The following CLDN4 variants were observed in gnomAD, a reference collection of about 807,000 sequenced individuals.
The protein encoded by CLDN4 is claudin-4.
CLDN4 carries 12 observed loss-of-function variants against 13.7 expected under a neutral mutation model. The ratio of observed to expected loss-of-function variants is 0.88; its 90% CI spans 0.56 to 1.42. The LOEUF is 1.42. CLDN4 is among the 40% of genes most tolerant of loss of function. CLDN4 has a pLI of 0.00. For missense variants in CLDN4, 252 were observed against 297.4 expected (o/e 0.85, Z 1.12); for synonymous variants, 152 against 140.6 (o/e 1.08, Z -0.57).
Position 73,832,198 on chromosome 7 carries a change from A to C in CLDN4, c.*367A>C. 4.2e-6 allele frequency: 1 copy of C among 240,960 alleles called. No homozygotes were observed. The highest frequency in any genetic ancestry group is 8.6e-6 in the Non-Finnish European group (1 of 115,846). The allele number at this position is 240,960 out of a possible 1,614,324, so 14.9% of individuals were successfully genotyped here. A position where few individuals can be genotyped will look rare whatever the true frequency, so the allele number is the denominator to read the frequency against. On this transcript the variant is annotated 3_prime_UTR_variant, in exon 1 of 1. Transcript: ENST00000340958. ...CACTGTCCCCATTTACATTTTCCCC[A>C]CTCTGTCTGCCTGCATCTCCTCTGT...
chr7:73,831,216 G>C lies in CLDN4; in HGVS notation c.15G>C (p.Gly5=), dbSNP rs781834258. 2 of 1,572,256 alleles carry C rather than the reference G, an allele frequency of 1.3e-6. No homozygotes were observed. Among genetic ancestry groups the C allele is most frequent in the Non-Finnish European group, 1.7e-6 (2 of 1,155,496 alleles). ...GACGCTGAACAATGGCCTCCATGGGGCTACAGGTAATGGGCATCGCGCTGG... is the reference window on the plus strand; with the variant it reads ...GACGCTGAACAATGGCCTCCATGGGCCTACAGGTAATGGGCATCGCGCTGG... MASM[G]LQVMGIALAV... The change falls in exon 1 of 1, where the codon GGG becomes GGC. Residue 5 remains glycine (G), a synonymous_variant. Transcript: ENST00000340958.
Position 73,831,477 on chromosome 7 carries a change from T to G in CLDN4, c.276T>G (p.Ala92=). Residue 92 remains alanine (A), a synonymous_variant, in exon 1 of 1, where the codon GCT becomes GCG. Transcript: ENST00000340958. ...ALVIISIIVA[A]LGVLLSVVGG... The stretch of plus-strand genomic sequence containing the variant: ...TCATCATCAGCATCATCGTGGCTGC[T>G]CTGGGCGTGCTGCTGTCCGTGGTGG... 2 of 1,614,178 alleles carry G rather than the reference T, an allele frequency of 1.2e-6. No individual in the cohort carries two copies. The highest frequency in any genetic ancestry group is 1.7e-6 in the Non-Finnish European group (2 of 1,180,030).
Position 73,832,021 on chromosome 7 carries a change from G to T in CLDN4, c.*190G>T, listed in dbSNP as rs1218553480. On this transcript the variant is annotated 3_prime_UTR_variant, in exon 1 of 1. Coordinates refer to ENST00000340958, the MANE Select transcript of CLDN4 (RefSeq NM_001305.5). ...TGGCCCACTCGGACAACTTCCCAAG[G>T]CCGCCTCCTGCTAGCAAGAACAGAG... is the stretch of plus-strand genomic sequence containing the variant. 3.1e-6 allele frequency: 2 copies of T among 646,152 alleles called. No individual in the cohort carries two copies. The highest frequency in any genetic ancestry group is 1.8e-5 in the African/African-American group (1 of 54,892). 40.0% of individuals were successfully genotyped at this position (646,152 alleles called of 1,614,324 possible).
rs782146307 is a variant in CLDN4 at position 73,831,513 on chromosome 7, T to C, written c.312T>C (p.Cys104=). ...TGCTGTCCGTGGTGGGGGGCAAGTG[T>C]ACCAACTGCCTGGAGGATGAAAGCG... ...GVLLSVVGGK[C]TNCLEDESAK... The change falls in exon 1 of 1, where the codon TGT becomes TGC. Residue 104 remains cysteine, a synonymous_variant. Coordinates refer to ENST00000340958, the MANE Select transcript of CLDN4 (RefSeq NM_001305.5). 6.2e-7 allele frequency: 1 copy of C among 1,614,082 alleles called. No individual in the cohort carries two copies. The highest frequency in any genetic ancestry group is 8.5e-7 in the Non-Finnish European group (1 of 1,180,038).
Position 73,832,252 on chromosome 7 carries a change from G to A in CLDN4, c.*421G>A, listed in dbSNP as rs1459124631. 1.0e-5 allele frequency: 2 copies of A among 191,314 alleles called. No individual in the cohort carries two copies. Among genetic ancestry groups the A allele is most frequent in the African/African-American group, 4.7e-5 (2 of 42,222 alleles). The allele number at this position is 191,314 out of a possible 1,614,324, so 11.9% of individuals were successfully genotyped here. ...GGGTAGGCCTTGATATCACCTCTGG[G>A]ACTGTGCCTTGCTCACCGAAACCCG... On this transcript the variant is annotated 3_prime_UTR_variant, in exon 1 of 1. Transcript: ENST00000340958.
Position 73,832,258 on chromosome 7 carries a change from GCCTTGCTCACCGAAACCC to G in CLDN4, c.*428_*445del, listed in dbSNP as rs1788050493. 5.4e-6 allele frequency: 1 copy of G among 184,222 alleles called. No homozygotes were observed. Among genetic ancestry groups the G allele is most frequent in the Non-Finnish European group, 1.3e-5 (1 of 79,648 alleles). The allele number at this position is 184,222 out of a possible 1,614,324, so 11.4% of individuals were successfully genotyped here. On this transcript the variant is annotated 3_prime_UTR_variant, in exon 1 of 1. Transcript: ENST00000340958. ...GCCTTGATATCACCTCTGGGACTGTGCCTTGCTCACCGAAACCCGCGCCCAGGAGTATGGCTGAGGCCT... is the reference window on the plus strand; with the variant it reads ...GCCTTGATATCACCTCTGGGACTGTGGCGCCCAGGAGTATGGCTGAGGCCT...
Position 73,832,489 on chromosome 7 carries a change from C to T in CLDN4, c.*658C>T, listed in dbSNP as rs1207827034. On this transcript the variant is annotated 3_prime_UTR_variant, in exon 1 of 1. Transcript: ENST00000340958. ...AGCCCAGGGCCCCTGGAGACTGATC[C>T]CCTCTGAGTCCTCTGCCCCTTCCAA... is the stretch of plus-strand genomic sequence containing the variant. The T allele has an allele frequency of 6.0e-6, 1 of 167,152 alleles. No individual in the cohort carries two copies. Among genetic ancestry groups the T allele is most frequent in the Non-Finnish European group, 1.5e-5 (1 of 68,240 alleles). 10.4% of individuals were successfully genotyped at this position (167,152 alleles called of 1,614,324 possible).
chr7:73,832,093 G>C lies in CLDN4; in HGVS notation c.*262G>C, dbSNP rs1483976542. On this transcript the variant is annotated 3_prime_UTR_variant, in exon 1 of 1. Transcript: ENST00000340958. ...GGGAGGGACGGAAGTGACAGGGTGT[G>C]GTGGTGGAGTGGGGAGCTGGCTTCT... is the stretch of plus-strand genomic sequence containing the variant. 2.1e-6 allele frequency: 1 copy of C among 467,610 alleles called. No individual in the cohort carries two copies. The highest frequency in any genetic ancestry group is 3.9e-6 in the Non-Finnish European group (1 of 259,198). The allele number at this position is 467,610 out of a possible 1,614,324, so 29.0% of individuals were successfully genotyped here.
Position 73,831,244 on chromosome 7 carries a change from G to A in CLDN4, c.43G>A (p.Val15Ile), listed in dbSNP as rs146345112. 407 of 1,599,828 alleles carry A rather than the reference G, an allele frequency of 2.5e-4. 2 individuals are homozygous for A. In the African/African-American group the frequency reaches 4.0e-3, roughly 16 times the overall value. ...ACAGGTAATGGGCATCGCGCTGGCC[G>A]TCCTGGGCTGGCTGGCCGTCATGCT... Reference protein sequence around the residue: ...GLQVMGIALAVLGWLAVMLCC... With the variant: ...GLQVMGIALAILGWLAVMLCC... Residue 15 changes from valine (V) to isoleucine (I), a missense_variant, in exon 1 of 1, where the codon GTC becomes ATC. Transcript: ENST00000340958.
rs550501576 is a variant in CLDN4 at position 73,831,390 on chromosome 7, G to A, written c.189G>A (p.Gln63=). Residue 63 remains glutamine (Q), a synonymous_variant, in exon 1 of 1, where the codon CAG becomes CAA. Coordinates refer to ENST00000340958, the MANE Select transcript of CLDN4 (RefSeq NM_001305.5). ...TGGTGCAGAGCACCGGCCAGATGCAGTGCAAGGTGTACGACTCGCTGCTGG... is the reference window on the plus strand; with the variant it reads ...TGGTGCAGAGCACCGGCCAGATGCAATGCAAGGTGTACGACTCGCTGCTGG... ...NCVVQSTGQM[Q]CKVYDSLLAL... is the part of the protein sequence containing the mutation. 1.2e-6 allele frequency: 2 copies of A among 1,614,116 alleles called. No individual in the cohort carries two copies. The highest frequency in any genetic ancestry group is 1.3e-5 in the African/African-American group (1 of 75,076).
In CLDN4 at chr7:73,831,618, G is replaced by T. The variant is rs202009827; in HGVS notation, c.417G>T (p.Thr139=). ...GLMVIVPVSW[T]AHNIIQDFYN... is the part of the protein sequence containing the mutation. ...TGGTGATAGTGCCGGTGTCCTGGAC[G>T]GCCCACAACATCATCCAAGACTTCT... Residue 139 remains threonine, a synonymous_variant, in exon 1 of 1, where the codon ACG becomes ACT. Transcript: ENST00000340958. 17 of 1,613,988 alleles carry T rather than the reference G, an allele frequency of 1.1e-5. No individual in the cohort carries two copies. Among genetic ancestry groups the T allele is most frequent in the Non-Finnish European group, 3.4e-6 (4 of 1,179,978 alleles).
chr7:73,831,421 C>T lies in CLDN4; in HGVS notation c.220C>T (p.Pro74Ser). Residue 74 changes from proline to serine, a missense_variant, in exon 1 of 1, where the codon CCG (proline) becomes TCG (serine). Coordinates refer to ENST00000340958, the MANE Select transcript of CLDN4 (RefSeq NM_001305.5). ...CKVYDSLLAL[P>S]QDLQAARALV... The stretch of plus-strand genomic sequence containing the variant: ...GGTGTACGACTCGCTGCTGGCACTG[C>T]CGCAGGACCTGCAGGCGGCCCGCGC... The T allele has an allele frequency of 1.2e-6, 2 of 1,614,156 alleles. No homozygotes were observed. Among genetic ancestry groups the T allele is most frequent in the South Asian group, 2.2e-5 (2 of 91,078 alleles).
At position 73,831,191 on chromosome 7, in the gene CLDN4, G is replaced by A; in HGVS notation, c.-11G>A. 6.5e-7 allele frequency: 1 copy of A among 1,542,134 alleles called. No individual in the cohort carries two copies. The highest frequency in any genetic ancestry group is 8.8e-7 in the Non-Finnish European group (1 of 1,142,824). On this transcript the variant is annotated 5_prime_UTR_variant, in exon 1 of 1. Transcript: ENST00000340958. Reference sequence around the variant, plus strand: ...GCCTTCCAGGTCCTCAACTCCCGTGGACGCTGAACAATGGCCTCCATGGGG... The same window carrying A: ...GCCTTCCAGGTCCTCAACTCCCGTGAACGCTGAACAATGGCCTCCATGGGG...
rs1554634140 is a variant in CLDN4, at chr7:73,831,584, C to T, written c.383C>T (p.Ala128Val). ...GTGGCGGGCGTGGTGTTCCTGTTGG[C>T]CGGCCTTATGGTGATAGTGCCGGTG... is the stretch of plus-strand genomic sequence containing the variant. ...MIVAGVVFLL[A>V]GLMVIVPVSW... is the part of the protein sequence containing the mutation. The change falls in exon 1 of 1, where the codon GCC (alanine) becomes GTC (valine). Residue 128 changes from alanine to valine, a missense_variant. Ala to Val is a moderately conservative substitution (Grantham distance 64). Coordinates refer to ENST00000340958, the MANE Select transcript of CLDN4 (RefSeq NM_001305.5). 6.2e-7 allele frequency: 1 copy of T among 1,614,104 alleles called. No individual in the cohort carries two copies.
rs1210086793 is a variant in CLDN4 at position 73,831,810 on chromosome 7, T to G, written c.609T>G (p.Ala203=). ...CCAAGTATTCTGCTGCCCGCTCTGC[T>G]GCTGCCAGCAACTACGTGTAAGGTG... is the stretch of plus-strand genomic sequence containing the variant. The part of the protein sequence containing the change: ...YSAKYSAARS[A]AASNYV The change falls in exon 1 of 1, where the codon GCT becomes GCG. Residue 203 remains alanine, a synonymous_variant. Transcript: ENST00000340958. The G allele has an allele frequency of 6.4e-7, 1 of 1,571,780 alleles. No individual in the cohort carries two copies. The highest frequency in any genetic ancestry group is 1.3e-5 in the African/African-American group (1 of 74,228).
At position 73,831,243 on chromosome 7, in the gene CLDN4, C is replaced by T. The variant is rs782587695; in HGVS notation, c.42C>T (p.Ala14=). ...TACAGGTAATGGGCATCGCGCTGGC[C>T]GTCCTGGGCTGGCTGGCCGTCATGC... ...MGLQVMGIAL[A]VLGWLAVMLC... The change falls in exon 1 of 1, where the codon GCC becomes GCT. Residue 14 remains alanine (A), a synonymous_variant. Coordinates refer to ENST00000340958, the MANE Select transcript of CLDN4 (RefSeq NM_001305.5). 18 of 1,597,102 alleles carry T rather than the reference C, an allele frequency of 1.1e-5. No individual in the cohort carries two copies. The highest frequency in any genetic ancestry group is 4.5e-5 in the East Asian group (2 of 44,590).
At position 73,832,076 on chromosome 7, in the gene CLDN4, C is replaced by T. The variant is rs1169561734; in HGVS notation, c.*245C>T. Reference sequence around the variant, plus strand: ...CCCTCCTCTGGATATTGGGGAGGGACGGAAGTGACAGGGTGTGGTGGTGGA... The same window carrying T: ...CCCTCCTCTGGATATTGGGGAGGGATGGAAGTGACAGGGTGTGGTGGTGGA... On this transcript the variant is annotated 3_prime_UTR_variant, in exon 1 of 1. Transcript: ENST00000340958. 8.2e-6 allele frequency: 4 copies of T among 487,922 alleles called. No individual in the cohort carries two copies. The highest frequency in any genetic ancestry group is 1.1e-5 in the Non-Finnish European group (3 of 272,798). The allele number at this position is 487,922 out of a possible 1,614,324, so 30.2% of individuals were successfully genotyped here. A position where few individuals can be genotyped will look rare whatever the true frequency, so the allele number is the denominator to read the frequency against.
chr7:73,832,595 T>G lies in CLDN4; in HGVS notation c.*764T>G, dbSNP rs1370905695. ...AAGTCCTGGGGTTTTTCCTCTTCCT[T>G]CTTTGTGGTTTCTGTTTTGTAATTT... is the stretch of plus-strand genomic sequence containing the variant. On this transcript the variant is annotated 3_prime_UTR_variant, in exon 1 of 1. Transcript: ENST00000340958. 2 of 166,900 alleles carry G rather than the reference T, an allele frequency of 1.2e-5. No homozygotes were observed. The highest frequency in any genetic ancestry group is 2.9e-5 in the Non-Finnish European group (2 of 68,138). 10.3% of individuals were successfully genotyped at this position (166,900 alleles called of 1,614,324 possible). A position where few individuals can be genotyped will look rare whatever the true frequency, so the allele number is the denominator to read the frequency against.
rs1788057618 is a variant in CLDN4 at position 73,832,596 on chromosome 7, C to A, written c.*765C>A. The A allele has an allele frequency of 6.0e-6, 1 of 166,922 alleles. No individual in the cohort carries two copies. The highest frequency in any genetic ancestry group is 2.4e-5 in the African/African-American group (1 of 41,396). The allele number at this position is 166,922 out of a possible 1,614,324, so 10.3% of individuals were successfully genotyped here. On this transcript the variant is annotated 3_prime_UTR_variant, in exon 1 of 1. Transcript: ENST00000340958. ...AGTCCTGGGGTTTTTCCTCTTCCTTCTTTGTGGTTTCTGTTTTGTAATTTA... is the reference window on the plus strand; with the variant it reads ...AGTCCTGGGGTTTTTCCTCTTCCTTATTTGTGGTTTCTGTTTTGTAATTTA...
Sources: gnomAD v4.1 joint callset for allele counts on GRCh38, gnomAD v4.1.1 for gene constraint, MANE v1.5 for transcripts, NCBI Gene and HGNC (gene_info 2026-07-23, HGNC 2026-07-21) for gene names.